COL16A1: variants seen among roughly 807,000 people sequenced by gnomAD.
COL16A1 encodes the protein collagen alpha-1(XVI) chain.
A neutral mutation model predicts 266.3 loss-of-function variants in COL16A1; 189 were observed. The observed-to-expected ratio is 0.71, with a 90% CI of 0.63 to 0.80. The LOEUF is 0.80. Among genes scored for constraint, COL16A1 ranks in the 30% least tolerant of loss-of-function variants. The pLI is 0.00. For missense variants in COL16A1, 1,928 were observed against 2,122.4 expected (o/e 0.91, Z 1.80); for synonymous variants, 740 against 782.3 (o/e 0.95, Z 0.90).
chr1:31,694,692 G>A (rs1172975723), intron 11 of COL16A1, among the ~76,000 whole-genome samples: 1 of 152,168 alleles, frequency 6.6e-6, no homozygotes, highest in Non-Finnish European at 1.5e-5. Flanking sequence ...TGCCAGCTGG[G>A]CTCACACTGA....
In COL16A1 at chr1:31,696,123, C is replaced by G; in HGVS notation, c.883G>C (p.Gly295Arg). The change falls in exon 9 of 71, where the codon GGA becomes CGA. Residue 295 changes from glycine to arginine, a missense_variant. Physicochemically the swap from Gly to Arg is moderately radical, Grantham distance 125. Coordinates refer to ENST00000373672, the MANE Select transcript of COL16A1 (RefSeq NM_001856.4). ...CTTTCTGCCTTCTGGCTGATTCTTC[C>G]CGTCAGCTGGGCATCCACCTGGGCA... ...QNSEVDAQLT[G>R]RISQKAERGA... The G allele has an allele frequency of 6.2e-7, 1 of 1,613,646 alleles. No individual in the cohort carries two copies. Among genetic ancestry groups the G allele is most frequent in the East Asian group, 2.2e-5 (1 of 44,856 alleles).
chr1:31,675,511 G>C (rs574364666), intron 42 of COL16A1, among the ~76,000 whole-genome samples, 200 bp from the exon 43 acceptor site: 26 of 152,070 alleles, frequency 1.7e-4, no homozygotes, highest in Non-Finnish European at 2.8e-4. Flanking sequence ...CCAGAAGAGC[G>C]ACCCCCCAAA....
At chr1:31,655,529 C>A in intron 66 of COL16A1, 27 bp from the exon 67 acceptor site, 1 of 1,610,470 alleles carries the variant, frequency 6.2e-7, no homozygotes. Flanking sequence ...TTAGTGCTGT[C>A]AAATTTACAT....
intron 44 of COL16A1, among the ~76,000 whole-genome samples, chr1:31,674,116 G>A (rs370377109): frequency 6.6e-6 from 1 of 152,262 alleles, no homozygotes; most frequent in African/African-American, 2.4e-5. Context: ...GAAATCTGCC[G>A]TTCAGAGCAG....
intron 26 of COL16A1, among the ~76,000 whole-genome samples, chr1:31,687,415 A>G (rs935548346): frequency 2.2e-4 from 6 of 27,732 alleles, no homozygotes; most frequent in Non-Finnish European, 7.4e-4. Flanking sequence ...CAACGCACAG[A>G]CACACACACA....
rs1044843599 is a variant in COL16A1 at position 31,656,913 on chromosome 1, A to G, written c.4056+120T>C. ...TCTCCCCAGGACAACAGGGTTAACA[A>G]TTTCCAGAGACAGCCCGTACATAGA... On this transcript the variant is annotated intron_variant, in intron 65 of 70. Transcript: ENST00000373672. The surrounding 1 kb of genome is among the most constrained non-coding windows in gnomAD (Gnocchi z 4.2). 23 of 1,424,404 alleles carry G rather than the reference A, an allele frequency of 1.6e-5. No homozygotes were observed. The African/African-American group carries it at 2.3e-4, about 14-fold the overall frequency. 88.2% of individuals were successfully genotyped at this position (1,424,404 alleles called of 1,614,324 possible).
chr1:31,660,448 G>C (rs568688804), intron 62 of COL16A1, 137 bp downstream of exon 62: 2 of 1,108,476 alleles, frequency 1.8e-6, no homozygotes, highest in South Asian at 3.4e-5. Context: ...AACCACAGAA[G>C]GAGTGGCCCC....
intron 42 of COL16A1, 114 bp downstream of exon 42, chr1:31,679,518 G>C: frequency 3.7e-6 from 6 of 1,613,950 alleles, no homozygotes; most frequent in Non-Finnish European, 5.1e-6. Context: ...GTGAGAAATG[G>C]CATGTCTGTG....
At chr1:31,686,405 G>A in intron 26 of COL16A1, 126 bp from the exon 27 acceptor site, 1 of 1,332,928 alleles carries the variant, frequency 7.5e-7, no homozygotes, top group Non-Finnish European at 1.1e-6. Context: ...GTCCAGAGAG[G>A]AAGAGGGCTT....
At chr1:31,669,558 A>T (rs1266898403) in intron 49 of COL16A1, among the ~76,000 whole-genome samples, 1 of 151,732 alleles carries the variant, frequency 6.6e-6, no homozygotes, top group East Asian at 1.9e-4. Context: ...CCTTTCCATG[A>T]CATAAGACAG....
At chr1:31,658,089 A>T (rs1331096457) in intron 64 of COL16A1, among the ~76,000 whole-genome samples, 1 of 152,202 alleles carries the variant, frequency 6.6e-6, no homozygotes, top group Admixed American at 6.5e-5. Context: ...GTTAAACGTG[A>T]GCTGAGACCA....
At position 31,698,235 on chromosome 1, in the gene COL16A1, C is replaced by T. The variant is rs530580888; in HGVS notation, c.391-63G>A. 5.5e-5 allele frequency: 87 copies of T among 1,591,696 alleles called. No homozygotes were observed. The highest frequency in any genetic ancestry group is 7.0e-5 in the Non-Finnish European group (82 of 1,168,516). On this transcript the variant is annotated intron_variant, in intron 5 of 70. Coordinates refer to ENST00000373672, the MANE Select transcript of COL16A1 (RefSeq NM_001856.4). This position sits in a 1 kb window ranked among gnomAD's most constrained non-coding sequence, Gnocchi z 4.1. The stretch of plus-strand genomic sequence containing the variant: ...GAGCTCCAGAGTCACACCATGGGCA[C>T]GTTCAGGGACCTTGAACTCATTTCA...
At position 31,656,997 on chromosome 1, in the gene COL16A1, C is replaced by T. The variant is rs747247283; in HGVS notation, c.4056+36G>A. On this transcript the variant is annotated intron_variant, in intron 65 of 70. Coordinates refer to ENST00000373672, the MANE Select transcript of COL16A1 (RefSeq NM_001856.4). The surrounding 1 kb of genome is among the most constrained non-coding windows in gnomAD (Gnocchi z 4.2). ...AGGGCAAGGCGAGGAGCAAGAAGCA[C>T]CCCCAAGGAAACAGAGAAGACCAGT... The T allele has an allele frequency of 3.1e-6, 5 of 1,613,932 alleles. No individual in the cohort carries two copies. The African/African-American group carries it at 6.7e-5, about 22-fold the overall frequency.
Position 31,696,977 on chromosome 1 carries a change from G to A in COL16A1, c.850C>T (p.Pro284Ser), listed in dbSNP as rs1644530185. Residue 284 changes from proline to serine, a missense_variant, in exon 8 of 71, where the codon CCT becomes TCT. This residue lies in a region of COL16A1 where 1,552 missense variants were observed against 1,637.2 expected (regional missense o/e 0.95). Coordinates refer to ENST00000373672, the MANE Select transcript of COL16A1 (RefSeq NM_001856.4). ...TGCCCACCCACCTCGCTGTTTTGAG[G>A]CTCCTCCAGGCAGAAGCAGCGGGTG... is the stretch of plus-strand genomic sequence containing the variant. ...VYTRCFCLEEPQNSEVDAQLT... is the reference protein window; with the variant it reads ...VYTRCFCLEESQNSEVDAQLT... 1.2e-6 allele frequency: 2 copies of A among 1,613,926 alleles called. No individual in the cohort carries two copies. Among genetic ancestry groups the A allele is most frequent in the South Asian group, 1.1e-5 (1 of 91,076 alleles).
At chr1:31,679,933 G>C (rs892460140) in intron 40 of COL16A1, 82 bp from the exon 41 acceptor site, 39 of 1,548,088 alleles carry the variant, frequency 2.5e-5, no homozygotes, top group Middle Eastern at 4.1e-4. Context: ...GTGGGGAGGC[G>C]GCTGGCTGGG....
Position 31,658,829 on chromosome 1 carries a change from TC to T in COL16A1, c.3930+84del, listed in dbSNP as rs1557609979. 4.8e-6 allele frequency: 7 copies of T among 1,460,932 alleles called. No individual in the cohort carries two copies. In the East Asian group the frequency reaches 7.4e-5, roughly 16 times the overall value. 90.5% of individuals were successfully genotyped at this position (1,460,932 alleles called of 1,614,324 possible). On this transcript the variant is annotated intron_variant, in intron 63 of 70. Transcript: ENST00000373672. ...AGGGGATGAGACAAACTGTTCTCCA[TC>T]CCCCCAGCTTCCTCTGAATGGAGCC...
At position 31,672,760 on chromosome 1, in the gene COL16A1, G is replaced by GGCA; in HGVS notation, c.2939_2940insTGC (p.Gly980_Ile981insAla). On this transcript the variant is annotated inframe_insertion, in exon 45 of 71. Transcript: ENST00000373672. ...TGTCGAGGCCTGGCACACCAGGGATGCCCTGGTCTCCCTTCTCTCCCTTCT... is the reference window on the plus strand; with the variant it reads ...TGTCGAGGCCTGGCACACCAGGGATGGCACCCTGGTCTCCCTTCTCTCCCTTCT... The GGCA allele has an allele frequency of 6.2e-7, 1 of 1,614,184 alleles. No individual in the cohort carries two copies. Among genetic ancestry groups the GGCA allele is most frequent in the Non-Finnish European group, 8.5e-7 (1 of 1,180,012 alleles).
chr1:31,688,833 G>T lies in COL16A1; in HGVS notation c.1767+28C>A. ...AGTATGGCAAGGATGGCTGAACTGG[G>T]CTGGGCTGGGAGAAAGTCGTCACTC... On this transcript the variant is annotated intron_variant, in intron 25 of 70. Coordinates refer to ENST00000373672, the MANE Select transcript of COL16A1 (RefSeq NM_001856.4). The surrounding 1 kb of genome is among the most constrained non-coding windows in gnomAD (Gnocchi z 4.9). The T allele has an allele frequency of 6.3e-7, 1 of 1,595,454 alleles. No individual in the cohort carries two copies. Among genetic ancestry groups the T allele is most frequent in the Non-Finnish European group, 8.6e-7 (1 of 1,167,680 alleles).
Position 31,698,746 on chromosome 1 carries a change from A to G in COL16A1, c.267-140T>C. 1 of 1,373,892 alleles carries G rather than the reference A, an allele frequency of 7.3e-7. No individual in the cohort carries two copies. The highest frequency in any genetic ancestry group is 9.7e-7 in the Non-Finnish European group (1 of 1,028,720). 85.1% of individuals were successfully genotyped at this position (1,373,892 alleles called of 1,614,324 possible). A position where few individuals can be genotyped will look rare whatever the true frequency, so the allele number is the denominator to read the frequency against. On this transcript the variant is annotated intron_variant, in intron 4 of 70. Coordinates refer to ENST00000373672, the MANE Select transcript of COL16A1 (RefSeq NM_001856.4). The surrounding 1 kb of genome is among the most constrained non-coding windows in gnomAD (Gnocchi z 4.1). ...CATCATATACATTCATTCACTCTCC[A>G]TACCTTTACTGAGTGCCTTCCGCGA... is the stretch of plus-strand genomic sequence containing the variant.
Sources: gnomAD v4.1 joint callset for allele counts (sites outside exome capture counted in the v4.1 genomes callset) on GRCh38, gnomAD v4.1.1 for gene constraint, gnomAD v4.1.1 regional missense constraint, Gnocchi (gnomAD v3.1) non-coding constraint, MANE v1.5 for transcripts, NCBI Gene and HGNC (gene_info 2026-07-23, HGNC 2026-07-21) for gene names.